Variants in MYO3B observed in about 807,000 individuals in gnomAD.
MYO3B encodes the protein myosin-IIIb.
MYO3B carries 156 observed loss-of-function variants against 174.6 expected under a neutral mutation model. That is an observed-to-expected ratio of 0.89 (90% CI 0.78 to 1.02). The LOEUF (loss-of-function observed/expected upper bound fraction) is 1.02. MYO3B is among the 50% of genes least tolerant of loss of function. The pLI, the probability that MYO3B is intolerant of heterozygous loss-of-function variation, is 0.00. For synonymous variants in MYO3B, 563 were observed against 569.1 expected (o/e 0.99, Z 0.15); for missense variants, 1,632 against 1,639.4 (o/e 1.00, Z 0.08).
At chr2:170,646,589 C>A (rs1052221658) in intron 32 of MYO3B, among the ~76,000 whole-genome samples, 7 of 152,008 alleles carry the variant, frequency 4.6e-5, no homozygotes, top group African/African-American at 1.4e-4. Flanking sequence ...AGAGATGGCA[C>A]TTCGCCATGT....
intron 8 of MYO3B, chr2:170,342,248 ATTAAG>A (rs1386431815): frequency 6.6e-6 from 1 of 152,154 alleles, no homozygotes; most frequent in East Asian, 1.9e-4. Context: ...CTGTGGATTC[ATTAAG>A]TTATGTCTGT....
intron 23 of MYO3B, among the ~76,000 whole-genome samples, chr2:170,458,307 G>A (rs1395535143): frequency 6.6e-6 from 1 of 152,184 alleles, no homozygotes; most frequent in Non-Finnish European, 1.5e-5. Flanking sequence ...AGTATATACA[G>A]TTTACCATTG....
At chr2:170,300,604 C>A (rs755842811) in intron 7 of MYO3B, among the ~76,000 whole-genome samples, 7 of 152,062 alleles carry the variant, frequency 4.6e-5, no homozygotes, top group African/African-American at 1.7e-4. Context: ...TACAAGGATA[C>A]CTATTTCTCC....
intron 1 of MYO3B, among the ~76,000 whole-genome samples, chr2:170,183,119 T>G (rs1488710336): frequency 1.3e-5 from 2 of 151,938 alleles, no homozygotes; most frequent in African/African-American, 2.4e-5. Context: ...TAGCTGGGCG[T>G]GGTGGCATGC....
chr2:170,570,503 A>C (rs781032981), intron 32 of MYO3B, among the ~76,000 whole-genome samples: 2 of 152,216 alleles, frequency 1.3e-5, no homozygotes, highest in Non-Finnish European at 2.9e-5. Flanking sequence ...GGCCACATTC[A>C]TTGAGCCAGA....
intron 19 of MYO3B, 47 bp downstream of exon 19, chr2:170,403,042 C>T (rs763084532): frequency 6.6e-7 from 1 of 1,518,980 alleles, no homozygotes; most frequent in Non-Finnish European, 9.0e-7. Flanking sequence ...GAAAAGGTGT[C>T]TCCAAGCTGC....
At chr2:170,626,372 G>A (rs1696431547) in intron 32 of MYO3B, among the ~76,000 whole-genome samples, 2 of 152,098 alleles carry the variant, frequency 1.3e-5, no homozygotes, top group South Asian at 4.2e-4. Context: ...GACTAGGATT[G>A]CAACCCCTGC....
Position 170,206,796 on chromosome 2 carries a change from G to A in MYO3B, c.321+6512G>A, listed in dbSNP as rs2092717054. Among the ~76,000 whole-genome samples, 1 of 152,094 alleles carries A rather than the reference G, an allele frequency of 6.6e-6. No homozygotes were observed. Among genetic ancestry groups the A allele is most frequent in the Non-Finnish European group, 1.5e-5 (1 of 68,026 alleles). ...CTTACATAATGCCATGGTAGTGAGG[G>A]CAGAGGCTTCGGAACTGTATTGTAA... is the stretch of plus-strand genomic sequence containing the variant. On this transcript the variant is annotated intron_variant, in intron 3 of 34. Transcript: ENST00000408978. The surrounding 1 kb of genome is among the most constrained non-coding windows in gnomAD (Gnocchi z 4.3).
At chr2:170,583,331 C>T (rs1313316067) in intron 32 of MYO3B, among the ~76,000 whole-genome samples, 1 of 152,156 alleles carries the variant, frequency 6.6e-6, no homozygotes, top group African/African-American at 2.4e-5. Flanking sequence ...TCAGTCCTTT[C>T]TCGCTGAGCC....
At chr2:170,519,246 C>T (rs1688510102) in intron 29 of MYO3B, among the ~76,000 whole-genome samples, 192 bp from the exon 30 acceptor site, 1 of 151,902 alleles carries the variant, frequency 6.6e-6, no homozygotes, top group Non-Finnish European at 1.5e-5. Context: ...CTGACTGAGA[C>T]CAAGCATGGA....
At chr2:170,346,495 A>G (rs908097668) in intron 8 of MYO3B, 2 of 152,162 alleles carry the variant, frequency 1.3e-5, no homozygotes, top group Non-Finnish European at 2.9e-5. Flanking sequence ...ACACCATAAA[A>G]CAATCACTAC....
At chr2:170,299,583 G>C (rs917632213) in intron 7 of MYO3B, among the ~76,000 whole-genome samples, 1 of 152,156 alleles carries the variant, frequency 6.6e-6, no homozygotes, top group Non-Finnish European at 1.5e-5. Flanking sequence ...AAGCCTGGTA[G>C]AGTATTATTA....
intron 32 of MYO3B, among the ~76,000 whole-genome samples, chr2:170,625,195 C>T (rs1008097944): frequency 2.6e-5 from 4 of 152,168 alleles, no homozygotes; most frequent in African/African-American, 9.7e-5. Flanking sequence ...CCGTCTGGTC[C>T]TGGACTTTTT....
chr2:170,383,620 A>G (rs2094352028), intron 11 of MYO3B, 90 bp from the exon 12 acceptor site: 10 of 968,286 alleles, frequency 1.0e-5, no homozygotes, highest in Non-Finnish European at 1.6e-5. Flanking sequence ...AAGTACCCTA[A>G]TAAGTGACAG....
chr2:170,621,515 G>GTTTTTTT (rs145064554), intron 32 of MYO3B, among the ~76,000 whole-genome samples: 1 of 144,704 alleles, frequency 6.9e-6, no homozygotes, highest in African/African-American at 2.6e-5. Flanking sequence ...TTGTTTTTTT[G>GTTTTTTT]TTTTTTTGTT....
chr2:170,225,774 G>C (rs1351351021), intron 6 of MYO3B, among the ~76,000 whole-genome samples: 1 of 152,066 alleles, frequency 6.6e-6, no homozygotes, highest in Non-Finnish European at 1.5e-5. Context: ...TAGTAAAATG[G>C]GGAGAAGTTA....
chr2:170,212,937 C>T (rs150957604), intron 3 of MYO3B, among the ~76,000 whole-genome samples: 2 of 152,318 alleles, frequency 1.3e-5, no homozygotes, highest in East Asian at 1.9e-4. Context: ...TCTGCCTAGG[C>T]GTTTGGCTAT....
intron 6 of MYO3B, among the ~76,000 whole-genome samples, chr2:170,231,368 C>G (rs1293492036): frequency 1.3e-5 from 2 of 152,218 alleles, no homozygotes; most frequent in African/African-American, 4.8e-5. Flanking sequence ...CAATCTTCTC[C>G]AGAAAGAAAA....
intron 8 of MYO3B, among the ~76,000 whole-genome samples, chr2:170,368,824 G>A (rs529366758): frequency 1.3e-5 from 2 of 151,786 alleles, no homozygotes; most frequent in Non-Finnish European, 2.9e-5. Flanking sequence ...TTTAATTGAG[G>A]TGATAGTATT....
Sources: gnomAD v4.1 joint callset for allele counts (sites outside exome capture counted in the v4.1 genomes callset) on GRCh38, gnomAD v4.1.1 for gene constraint, Gnocchi (gnomAD v3.1) non-coding constraint, MANE v1.5 for transcripts, NCBI Gene and HGNC (gene_info 2026-07-23, HGNC 2026-07-21) for gene names.